Variants in GAP43 observed in about 807,000 individuals in gnomAD.
GAP43 encodes the protein growth associated protein 43.
Under a neutral mutation model 18.6 loss-of-function variants are expected in GAP43, and 6 were observed. That is an observed-to-expected ratio of 0.32 (90% CI 0.18 to 0.64). The LOEUF is 0.64. GAP43 is among the 30% of genes least tolerant of loss of function. The pLI is 0.78. For missense variants in GAP43, 292 were observed against 295.5 expected (o/e 0.99, Z 0.09); for synonymous variants, 115 against 111.4 (o/e 1.03, Z -0.20).
intron 1 of GAP43, among the ~76,000 whole-genome samples, chr3:115,642,666 C>G (rs1001209335): frequency 9.9e-5 from 15 of 151,942 alleles, no homozygotes; most frequent in African/African-American, 3.4e-4. Context: ...ACAGAACATC[C>G]ATAGATCTAA....
intron 2 of GAP43, among the ~76,000 whole-genome samples, chr3:115,699,559 C>T (rs1373849068): frequency 1.3e-5 from 2 of 152,136 alleles, no homozygotes; most frequent in African/African-American, 2.4e-5. Context: ...CTCTTTCCTC[C>T]CATTTCCTTT....
At chr3:115,674,092 A>G (rs982419557) in intron 1 of GAP43, among the ~76,000 whole-genome samples, 5 of 152,220 alleles carry the variant, frequency 3.3e-5, no homozygotes, top group African/African-American at 1.2e-4. Flanking sequence ...TGACAGGTGG[A>G]AAACTTGTCC....
At chr3:115,671,379 C>A (rs1464917540) in intron 1 of GAP43, among the ~76,000 whole-genome samples, 1 of 152,126 alleles carries the variant, frequency 6.6e-6, no homozygotes, top group Admixed American at 6.5e-5. Context: ...TTAGAAGTTT[C>A]ATTAGTGTCA....
chr3:115,650,384 A>G (rs1202312560), intron 1 of GAP43, among the ~76,000 whole-genome samples: 1 of 152,204 alleles, frequency 6.6e-6, no homozygotes, highest in African/African-American at 2.4e-5. Context: ...ATGTGCACAC[A>G]TGAAGTTTCA....
At chr3:115,692,728 G>A (rs147901804) in intron 2 of GAP43, among the ~76,000 whole-genome samples, 1,604 of 152,132 alleles carry the variant, frequency 0.011, 12 homozygotes, top group South Asian at 0.028. Context: ...AATAGAGGGT[G>A]GTTAAAGTTT....
At position 115,672,784 on chromosome 3, in the gene GAP43, A is replaced by G. The variant is rs13068189; in HGVS notation, c.31-3229A>G. On this transcript the variant is annotated intron_variant, in intron 1 of 2. Transcript: ENST00000305124. The stretch of plus-strand genomic sequence containing the variant: ...CTCTCCTCTCCTTTCCTTTCCTTTC[A>G]TTTCCCTGCGTCTGTTTCTTTACTG... Among the ~76,000 whole-genome samples the G allele has an allele frequency of 9.7e-3, 701 of 72,614 alleles. 3 individuals carry two copies. Among genetic ancestry groups the G allele is most frequent in the Non-Finnish European group, 0.013 (510 of 38,400 alleles). 47.6% of individuals were successfully genotyped at this position (72,614 alleles called of 152,430 possible). A position where few individuals can be genotyped will look rare whatever the true frequency, so the allele number is the denominator to read the frequency against.
chr3:115,652,356 CTTTTTTTTTTTTTTTTTTT>C (rs71141831), intron 1 of GAP43, among the ~76,000 whole-genome samples: 2,371 of 44,042 alleles, frequency 0.054, 104 homozygotes, highest in Admixed American at 0.13. Context: ...ATCCAGCATT[CTTTTTTTTTTTTTTTTTTT>C]TTTTTTTTTT....
At chr3:115,684,208 C>G (rs1370809) in intron 2 of GAP43, among the ~76,000 whole-genome samples, 1 of 151,654 alleles carries the variant, frequency 6.6e-6, no homozygotes, top group African/African-American at 2.4e-5. Context: ...CTTTTGAAGG[C>G]TTTTTTTTCC....
chr3:115,624,532 T>C (rs1230093951), intron 1 of GAP43, among the ~76,000 whole-genome samples: 4 of 152,090 alleles, frequency 2.6e-5, no homozygotes, highest in Admixed American at 6.5e-5. Flanking sequence ...TTTCCTGGGA[T>C]TGTCAGTGAC....
chr3:115,670,038 C>T (rs1212508503), intron 1 of GAP43, among the ~76,000 whole-genome samples: 1 of 128,444 alleles, frequency 7.8e-6, no homozygotes, highest in African/African-American at 3.0e-5. Flanking sequence ...GGTACATGTG[C>T]ACATTGTGCA....
At chr3:115,714,048 C>G (rs1043400258) in intron 2 of GAP43, among the ~76,000 whole-genome samples, 1 of 152,174 alleles carries the variant, frequency 6.6e-6, no homozygotes, top group Non-Finnish European at 1.5e-5. Flanking sequence ...CAGTAATTTG[C>G]TAGCATATAA....
chr3:115,658,975 C>G (rs1708622561), intron 1 of GAP43: 1 of 152,388 alleles, frequency 6.6e-6, no homozygotes, highest in Non-Finnish European at 1.5e-5. Flanking sequence ...CAAGGTTAAG[C>G]AGCGGGTGGG....
At chr3:115,648,907 T>C (rs896629312) in intron 1 of GAP43, among the ~76,000 whole-genome samples, 1 of 152,078 alleles carries the variant, frequency 6.6e-6, no homozygotes, top group Non-Finnish European at 1.5e-5. Flanking sequence ...AATAGACCAT[T>C]GAATATAGGA....
At chr3:115,626,238 T>A (rs1708186301) in intron 1 of GAP43, among the ~76,000 whole-genome samples, 1 of 152,126 alleles carries the variant, frequency 6.6e-6, no homozygotes. Context: ...TAACAGGGAA[T>A]AAAACAAGGG....
intron 1 of GAP43, among the ~76,000 whole-genome samples, chr3:115,647,377 A>G (rs1240488810): frequency 6.6e-6 from 1 of 152,078 alleles, no homozygotes; most frequent in Non-Finnish European, 1.5e-5. Context: ...AGCAGTGGGA[A>G]CTAAAACAGA....
In GAP43 at chr3:115,676,285, C is replaced by T. The variant is rs200767279; in HGVS notation, c.303C>T (p.Pro101=). ...CCACTGGCTCCAAGCCTGATGAGCCCGGCAAAGCAGGAGAAACTCCTTCCG... is the reference window on the plus strand; with the variant it reads ...CCACTGGCTCCAAGCCTGATGAGCCTGGCAAAGCAGGAGAAACTCCTTCCG... ...APATGSKPDE[P]GKAGETPSEE... is the part of the protein sequence containing the mutation. Residue 101 remains proline (P), a synonymous_variant, in exon 2 of 3, where the codon CCC becomes CCT. Coordinates refer to ENST00000305124, the MANE Select transcript of GAP43 (RefSeq NM_002045.4). The T allele has an allele frequency of 1.2e-5, 19 of 1,614,078 alleles. 1 individual carries two copies. The highest frequency in any genetic ancestry group is 6.6e-5 in the South Asian group (6 of 91,072).
intron 2 of GAP43, among the ~76,000 whole-genome samples, chr3:115,677,501 A>G (rs1230326907): frequency 6.6e-6 from 1 of 152,206 alleles, no homozygotes; most frequent in Non-Finnish European, 1.5e-5. Context: ...TAAATTCAAC[A>G]GAGTTTCGTC....
At chr3:115,680,403 C>A (rs1708947085) in intron 2 of GAP43, among the ~76,000 whole-genome samples, 1 of 152,072 alleles carries the variant, frequency 6.6e-6, no homozygotes, top group African/African-American at 2.4e-5. Context: ...CTGCAGTGAG[C>A]CATTATTGTG....
chr3:115,653,440 T>G (rs1037734452), intron 1 of GAP43, among the ~76,000 whole-genome samples: 2 of 152,070 alleles, frequency 1.3e-5, no homozygotes, highest in Admixed American at 1.3e-4. Context: ...AGACTCTGTC[T>G]TAAAAACAAA....
Sources: gnomAD v4.1 joint callset for allele counts (sites outside exome capture counted in the v4.1 genomes callset) on GRCh38, gnomAD v4.1.1 for gene constraint, MANE v1.5 for transcripts, NCBI Gene and HGNC (gene_info 2026-07-23, HGNC 2026-07-21) for gene names.